PTCD1: variants seen among roughly 807,000 people sequenced by gnomAD.
PTCD1 encodes pentatricopeptide repeat-containing protein 1, mitochondrial.
PTCD1 carries 50 observed loss-of-function variants against 53.4 expected under a neutral mutation model. The ratio of observed to expected loss-of-function variants is 0.94; its 90% CI spans 0.75 to 1.19. PTCD1 has a LOEUF of 1.19. Ranked by LOEUF, PTCD1 falls within the 50% of genes most tolerant of loss-of-function variation. PTCD1 has a pLI of 0.00. For synonymous variants in PTCD1, 413 were observed against 394.8 expected, an observed-to-expected ratio of 1.05 and a Z score of -0.55; for missense variants, 918 against 904.8, an observed-to-expected ratio of 1.01 and a Z score of -0.19.
At chr7:99,428,128 G>A (rs1270965932) in intron 5 of PTCD1, among the ~76,000 whole-genome samples, 2 of 151,808 alleles carry the variant, frequency 1.3e-5, no homozygotes, top group South Asian at 2.1e-4. Context: ...TTGGCCGGGC[G>A]CGGTGGCTCA....
At chr7:99,421,409 CAG>C (rs1297824689) in intron 7 of PTCD1, among the ~76,000 whole-genome samples, 2 of 139,126 alleles carry the variant, frequency 1.4e-5, no homozygotes, top group East Asian at 2.1e-4. Context: ...GCCTGGGCAA[CAG>C]AGTGATTCCC....
Position 99,429,648 on chromosome 7 carries a change from G to A in PTCD1, c.753C>T (p.His251=), listed in dbSNP as rs760630046. Residue 251 remains histidine (H), a synonymous_variant, in exon 4 of 8, where the codon CAC becomes CAT. Coordinates refer to ENST00000292478, the MANE Select transcript of PTCD1 (RefSeq NM_015545.4). ...KNFELNLKTY[H]ALLKMAAKCA... The stretch of plus-strand genomic sequence containing the variant: ...ACTTGGCAGCCATCTTCAGCAGCGC[G>A]TGGTATGTTTTCAAGTTGAGCTCGA... 151 of 1,614,090 alleles carry A rather than the reference G, an allele frequency of 9.4e-5. No individual in the cohort carries two copies. The South Asian group carries it at 1.3e-3, about 14-fold the overall frequency.
chr7:99,424,189 G>A (rs562232249), intron 6 of PTCD1, among the ~76,000 whole-genome samples: 6 of 152,328 alleles, frequency 3.9e-5, no homozygotes, highest in South Asian at 2.1e-4. Flanking sequence ...CTCAGACACC[G>A]ACTGACTCAG....
Position 99,421,958 on chromosome 7 carries a change from C to G in PTCD1, c.1921-1809G>C, listed in dbSNP as rs188928730. On this transcript the variant is annotated intron_variant, in intron 7 of 7. Coordinates refer to ENST00000292478, the MANE Select transcript of PTCD1 (RefSeq NM_015545.4). ...TTAAGTCAGGGACATCTGTCTGTGA[C>G]TTAAATATGATATGCTTTAGGTCTA... Among the ~76,000 whole-genome samples, 6 of 152,248 alleles carry G rather than the reference C, an allele frequency of 3.9e-5. No individual in the cohort carries two copies. The East Asian group carries it at 1.2e-3, about 29-fold the overall frequency.
chr7:99,438,773 T>A lies in PTCD1; in HGVS notation c.-108A>T. ...AACCAGTCTCTTCCTCGGGTCCCCC[T>A]CTCCCCAAGCGCGCAGGCGCAATCC... On this transcript the variant is annotated 5_prime_UTR_variant, in exon 1 of 8. Transcript: ENST00000292478. 2 of 1,356,670 alleles carry A rather than the reference T, an allele frequency of 1.5e-6. No homozygotes were observed. The highest frequency in any genetic ancestry group is 9.7e-7 in the Non-Finnish European group (1 of 1,033,904). The allele number at this position is 1,356,670 out of a possible 1,614,324, so 84.0% of individuals were successfully genotyped here. A position where few individuals can be genotyped will look rare whatever the true frequency, so the allele number is the denominator to read the frequency against.
intron 5 of PTCD1, among the ~76,000 whole-genome samples, chr7:99,428,111 A>T (rs1474079279): frequency 1.3e-5 from 2 of 152,060 alleles, no homozygotes; most frequent in Non-Finnish European, 1.5e-5. Flanking sequence ...TAAAAAAAAA[A>T]AAAAAATTGG....
intron 3 of PTCD1, among the ~76,000 whole-genome samples, chr7:99,430,364 G>A (rs1472901824): frequency 6.6e-6 from 1 of 152,192 alleles, no homozygotes; most frequent in Non-Finnish European, 1.5e-5. Context: ...TGAGCCTCCA[G>A]GGGACTAAGG....
chr7:99,438,733 C>A lies in PTCD1; in HGVS notation c.-68G>T. ...AGTGCACTCCGACGGGGAGCCCTGC[C>A]CGGTCCCCGCGGCGAACCAGTCTCT... On this transcript the variant is annotated 5_prime_UTR_variant, in exon 1 of 8. Coordinates refer to ENST00000292478, the MANE Select transcript of PTCD1 (RefSeq NM_015545.4). The A allele has an allele frequency of 1.5e-6, 2 of 1,309,548 alleles. No individual in the cohort carries two copies. Among genetic ancestry groups the A allele is most frequent in the Non-Finnish European group, 2.0e-6 (2 of 1,004,706 alleles). The allele number at this position is 1,309,548 out of a possible 1,614,324, so 81.1% of individuals were successfully genotyped here.
At chr7:99,437,189 C>G (rs895171924) in intron 1 of PTCD1, among the ~76,000 whole-genome samples, 2 of 152,094 alleles carry the variant, frequency 1.3e-5, no homozygotes, top group African/African-American at 4.8e-5. Context: ...TTACAATACA[C>G]AGAATTACAA....
rs889517128 is a variant in PTCD1, at chr7:99,417,869, C to A, written c.*2098G>T. 7.2e-6 allele frequency: 10 copies of A among 1,386,878 alleles called. No homozygotes were observed. The Middle Eastern group carries it at 8.3e-4, about 115-fold the overall frequency. The allele number at this position is 1,386,878 out of a possible 1,614,324, so 85.9% of individuals were successfully genotyped here. On this transcript the variant is annotated 3_prime_UTR_variant, in exon 8 of 8. Coordinates refer to ENST00000292478, the MANE Select transcript of PTCD1 (RefSeq NM_015545.4). ...CACTTAGGAAATGGTGGTGGGGAGC[C>A]CTAATCCCAAGGTGGTGGCAGGGTG...
intron 3 of PTCD1, among the ~76,000 whole-genome samples, chr7:99,431,920 T>C (rs1228638693): frequency 6.6e-6 from 1 of 152,180 alleles, no homozygotes; most frequent in Non-Finnish European, 1.5e-5. Flanking sequence ...ATGAGCTGTG[T>C]TGACTCAAGG....
In PTCD1 at chr7:99,419,960, G is replaced by C; in HGVS notation, c.*7C>G. The C allele has an allele frequency of 6.2e-7, 1 of 1,614,168 alleles. No individual in the cohort carries two copies. The highest frequency in any genetic ancestry group is 1.1e-5 in the South Asian group (1 of 91,084). On this transcript the variant is annotated 3_prime_UTR_variant, in exon 8 of 8. Coordinates refer to ENST00000292478, the MANE Select transcript of PTCD1 (RefSeq NM_015545.4). ...GGGCCGAGCACATTGTTCCAGCTGT[G>C]CTCCCATCACCTGCCCCCAAGGGCA...
intron 7 of PTCD1, among the ~76,000 whole-genome samples, chr7:99,421,467 C>T (rs1291096613): frequency 6.7e-6 from 1 of 149,152 alleles, no homozygotes; most frequent in Non-Finnish European, 1.5e-5. Flanking sequence ...AAATGCGGCA[C>T]GGCATGGGGG....
At chr7:99,438,441 G>T in intron 1 of PTCD1, 1 of 930,238 alleles carries the variant, frequency 1.1e-6, no homozygotes, top group Non-Finnish European at 1.3e-6. Context: ...CTCCAGCCTG[G>T]GCCACAGAGC....
chr7:99,425,299 TTGGGCCTTGCCGGG>T lies in PTCD1; in HGVS notation c.1219_1232del (p.Pro407ThrfsTer6). 1 of 1,614,142 alleles carries T rather than the reference TTGGGCCTTGCCGGG, an allele frequency of 6.2e-7. No homozygotes were observed. Among genetic ancestry groups the T allele is most frequent in the South Asian group, 1.1e-5 (1 of 91,078 alleles). On this transcript the variant is annotated frameshift_variant, in exon 6 of 8. Transcript: ENST00000292478. LOFTEE classifies it high-confidence loss of function. ...GCTCTGCCTTAGTATCCACCTCTGG[TTGGGCCTTGCCGGG>T]CACTCTGGCTTCCGGAGGCTCTGGA...
chr7:99,434,405 TGCCACTGCACTCCA>T (rs1796377469), intron 2 of PTCD1, among the ~76,000 whole-genome samples: 2 of 150,438 alleles, frequency 1.3e-5, no homozygotes, highest in South Asian at 2.1e-4. Flanking sequence ...GCCAAGATCG[TGCCACTGCACTCCA>T]GCCTGGGCGA....
At chr7:99,430,874 C>A (rs1452516320) in intron 3 of PTCD1, among the ~76,000 whole-genome samples, 1 of 152,124 alleles carries the variant, frequency 6.6e-6, no homozygotes, top group Non-Finnish European at 1.5e-5. Context: ...GAGTTCGAGA[C>A]CAGCCTGGCC....
intron 7 of PTCD1, among the ~76,000 whole-genome samples, chr7:99,420,934 A>C (rs747073455): frequency 2.5e-4 from 38 of 151,132 alleles, no homozygotes; most frequent in Admixed American, 2.0e-4. Context: ...GCGACAGAGC[A>C]AGACTCCATC....
intron 6 of PTCD1, 27 bp downstream of exon 6, chr7:99,424,768 G>A (rs745322395): frequency 5.8e-5 from 94 of 1,613,078 alleles, no homozygotes; most frequent in Non-Finnish European, 7.4e-5. Flanking sequence ...CACCATGGGT[G>A]TCCTGCCCAG....
Sources: gnomAD v4.1 joint callset for allele counts (sites outside exome capture counted in the v4.1 genomes callset) on GRCh38, gnomAD v4.1.1 for gene constraint, MANE v1.5 for transcripts, NCBI Gene and HGNC (gene_info 2026-07-23, HGNC 2026-07-21) for gene names.